The following SPAST variants were observed in gnomAD, a reference collection of about 807,000 sequenced individuals.
SPAST encodes the protein spastin.
Under a neutral mutation model 76.6 loss-of-function variants are expected in SPAST, and 30 were observed. The observed-to-expected ratio is 0.39, with a 90% CI of 0.29 to 0.53. The LOEUF is 0.53. Ranked by LOEUF, SPAST falls within the 20% of genes least tolerant of loss-of-function variation. SPAST has a pLI of 0.68. For synonymous variants in SPAST, 305 were observed against 281.0 expected, an observed-to-expected ratio of 1.09 and a Z score of -0.86; for missense variants, 717 against 770.5, an observed-to-expected ratio of 0.93 and a Z score of 0.82.
At position 32,141,818 on chromosome 2, in the gene SPAST, A is replaced by G; in HGVS notation, c.1494-86A>G. 3.8e-6 allele frequency: 4 copies of G among 1,060,752 alleles called. No individual in the cohort carries two copies. The South Asian group carries it at 4.1e-5, about 11-fold the overall frequency. 65.7% of individuals were successfully genotyped at this position (1,060,752 alleles called of 1,614,324 possible). On this transcript the variant is annotated intron_variant, in intron 12 of 16. Coordinates refer to ENST00000315285, the MANE Select transcript of SPAST (RefSeq NM_014946.4). ...AATGCATTCCAGTGCCTTGAATATT[A>G]TATTTTAAAAGCTTTTCCTGTCATT...
intron 7 of SPAST, among the ~76,000 whole-genome samples, chr2:32,117,626 G>A (rs1018522667): frequency 6.6e-6 from 1 of 151,264 alleles, no homozygotes; most frequent in Non-Finnish European, 1.5e-5. Context: ...CTGCCTTTGG[G>A]GTTCAAGTGA....
intron 9 of SPAST, chr2:32,129,411 T>C (rs1017419880): frequency 2.0e-5 from 3 of 152,152 alleles, no homozygotes; most frequent in Admixed American, 2.0e-4. Context: ...CTGCTTTCTT[T>C]TGATTGTTTA....
chr2:32,093,267 C>T (rs1049419840), intron 3 of SPAST, among the ~76,000 whole-genome samples: 2 of 145,126 alleles, frequency 1.4e-5, no homozygotes, highest in Admixed American at 7.1e-5. Context: ...GCCGAGATCC[C>T]GCCACTGCAC....
intron 16 of SPAST, among the ~76,000 whole-genome samples, chr2:32,149,843 C>T (rs749183411): frequency 6.6e-6 from 1 of 152,034 alleles, no homozygotes; most frequent in African/African-American, 2.4e-5. Context: ...ATGGGGGAAC[C>T]AATTTCCGAG....
At chr2:32,102,426 A>G (rs1299631839) in intron 4 of SPAST, among the ~76,000 whole-genome samples, 3 of 152,148 alleles carry the variant, frequency 2.0e-5, no homozygotes, top group Admixed American at 1.3e-4. Context: ...AACAGGGACA[A>G]TTTGACTTTC....
chr2:32,077,021 G>A (rs1676989218), intron 1 of SPAST, among the ~76,000 whole-genome samples: 2 of 152,080 alleles, frequency 1.3e-5, no homozygotes, highest in African/African-American at 2.4e-5. Context: ...AATTACAGGC[G>A]CCTGCCACCA....
chr2:32,141,305 C>T (rs1440372052), intron 12 of SPAST, among the ~76,000 whole-genome samples: 6 of 152,166 alleles, frequency 3.9e-5, no homozygotes, highest in Admixed American at 3.9e-4. Context: ...ACCTTCCTTG[C>T]CATTCCTATG....
chr2:32,075,916 T>C (rs1230361923), intron 1 of SPAST, among the ~76,000 whole-genome samples: 1 of 143,534 alleles, frequency 7.0e-6, no homozygotes, highest in Non-Finnish European at 1.5e-5. Context: ...TTTTTTTTTT[T>C]TTGAGACAGA....
intron 3 of SPAST, among the ~76,000 whole-genome samples, chr2:32,096,376 A>G (rs1677914569): frequency 6.6e-6 from 1 of 152,230 alleles, no homozygotes; most frequent in Admixed American, 6.5e-5. Flanking sequence ...CAGAGGTTGC[A>G]ATGAGCTGAG....
chr2:32,075,896 C>CTTTTT (rs1209272322), intron 1 of SPAST, among the ~76,000 whole-genome samples: 13 of 81,768 alleles, frequency 1.6e-4, no homozygotes, highest in East Asian at 4.1e-4. Flanking sequence ...TCAAAATGCT[C>CTTTTT]TTTTTTTTTT....
intron 7 of SPAST, among the ~76,000 whole-genome samples, chr2:32,124,323 C>T (rs1365232295): frequency 1.3e-5 from 2 of 151,966 alleles, no homozygotes; most frequent in African/African-American, 4.8e-5. Flanking sequence ...AACAAGATAC[C>T]CTGCCATCCC....
chr2:32,149,301 G>T (rs1679999617), intron 16 of SPAST, among the ~76,000 whole-genome samples: 1 of 133,288 alleles, frequency 7.5e-6, no homozygotes, highest in Non-Finnish European at 1.6e-5. Context: ...GTTTCACTAT[G>T]TTGGCCAGGT....
intron 5 of SPAST, 92 bp downstream of exon 5, chr2:32,114,917 T>C: frequency 2.2e-6 from 2 of 907,254 alleles, no homozygotes; most frequent in South Asian, 1.4e-5. Flanking sequence ...ATAAGTACTT[T>C]ATAATACTTT....
At chr2:32,079,857 G>A (rs571740138) in intron 1 of SPAST, among the ~76,000 whole-genome samples, 1 of 152,284 alleles carries the variant, frequency 6.6e-6, no homozygotes, top group East Asian at 1.9e-4. Flanking sequence ...ATGGATATTT[G>A]GATTGTTTCC....
intron 1 of SPAST, among the ~76,000 whole-genome samples, chr2:32,069,426 A>AAT (rs754129777): frequency 1.3e-5 from 2 of 152,096 alleles, no homozygotes; most frequent in Non-Finnish European, 2.9e-5. Context: ...AGTGCTTCAA[A>AAT]ATATATATGA....
intron 1 of SPAST, among the ~76,000 whole-genome samples, chr2:32,082,032 A>C (rs570039260): frequency 1.2e-3 from 134 of 108,314 alleles, no homozygotes; most frequent in African/African-American, 4.5e-3. Context: ...TTTTTTTGAG[A>C]CAGGGTCTCT....
intron 7 of SPAST, among the ~76,000 whole-genome samples, chr2:32,123,012 A>C (rs1465656307): frequency 6.6e-6 from 1 of 152,204 alleles, no homozygotes; most frequent in Non-Finnish European, 1.5e-5. Flanking sequence ...CTGTAATCCC[A>C]GCACTTTGGG....
chr2:32,116,060 ATCT>A, intron 6 of SPAST, 56 bp from the exon 7 acceptor site: 2 of 1,257,568 alleles, frequency 1.6e-6, no homozygotes, highest in Non-Finnish European at 2.3e-6. Context: ...CTTAGGCTTC[ATCT>A]TGTAATAACT....
intron 1 of SPAST, among the ~76,000 whole-genome samples, chr2:32,070,424 C>T (rs1676700076): frequency 6.6e-6 from 1 of 152,092 alleles, no homozygotes; most frequent in Admixed American, 6.6e-5. Context: ...TGAAACCAAA[C>T]TATTTCAAAA....
Sources: allele counts gnomAD v4.1 joint callset (sites outside exome capture counted in the v4.1 genomes callset), GRCh38; gene constraint gnomAD v4.1.1; transcripts MANE v1.5; gene names NCBI Gene and HGNC (gene_info 2026-07-23, HGNC 2026-07-21).